Variants in ZFAND6 observed in about 807,000 individuals in gnomAD.
The protein encoded by ZFAND6 is AN1-type zinc finger protein 6.
Under a neutral mutation model 24.5 loss-of-function variants are expected in ZFAND6, and 12 were observed. The ratio of observed to expected loss-of-function variants is 0.49; its 90% CI spans 0.31 to 0.79. ZFAND6 has a LOEUF of 0.79. Among genes scored for constraint, ZFAND6 ranks in the 30% least tolerant of loss-of-function variants. The probability of loss-of-function intolerance (pLI) is 0.04; values close to 1 mark genes in which losing one functional copy is unlikely to be tolerated. For synonymous variants in ZFAND6, 92 were observed against 81.5 expected (o/e 1.13, Z -0.69); for missense variants, 207 against 245.9 (o/e 0.84, Z 1.06).
intron 6 of ZFAND6, among the ~76,000 whole-genome samples, chr15:80,133,791 CA>C (rs1162027158): frequency 6.6e-6 from 1 of 152,116 alleles, no homozygotes; most frequent in African/African-American, 2.4e-5. Context: ...GGTTTATGAT[CA>C]GAACTGCCAT....
intron 1 of ZFAND6, among the ~76,000 whole-genome samples, chr15:80,095,542 CTT>C (rs1022938835): frequency 2.6e-5 from 4 of 152,082 alleles, no homozygotes; most frequent in African/African-American, 9.7e-5. Context: ...TCTTTGGTAA[CTT>C]TGTCTAAATC....
At chr15:80,112,065 GC>G (rs2039636562) in intron 2 of ZFAND6, among the ~76,000 whole-genome samples, 1 of 152,158 alleles carries the variant, frequency 6.6e-6, no homozygotes, top group Admixed American at 6.5e-5. Flanking sequence ...TTCGAGACCA[GC>G]CTGGCCAACA....
At chr15:80,094,061 T>A (rs575307152) in intron 1 of ZFAND6, among the ~76,000 whole-genome samples, 2 of 152,270 alleles carry the variant, frequency 1.3e-5, no homozygotes, top group South Asian at 4.2e-4. Context: ...TTGGATGGAG[T>A]TTGTGTGTGG....
intron 1 of ZFAND6, among the ~76,000 whole-genome samples, chr15:80,087,689 C>G (rs936506666): frequency 6.6e-6 from 1 of 152,156 alleles, no homozygotes. Context: ...TGTTTTGACA[C>G]TACTATGAAT....
At chr15:80,105,105 A>T (rs1370185958) in intron 2 of ZFAND6, among the ~76,000 whole-genome samples, 2 of 152,206 alleles carry the variant, frequency 1.3e-5, no homozygotes, top group Non-Finnish European at 2.9e-5. Context: ...ACTATCCTGT[A>T]GTCTAGGCAC....
At chr15:80,122,458 G>A (rs1409151407) in intron 4 of ZFAND6, among the ~76,000 whole-genome samples, 4 of 152,090 alleles carry the variant, frequency 2.6e-5, no homozygotes, top group African/African-American at 9.7e-5. Context: ...GTGAATTCAT[G>A]TGGTACTTGA....
At chr15:80,131,320 A>G in intron 6 of ZFAND6, 27 bp downstream of exon 6, 1 of 1,586,180 alleles carries the variant, frequency 6.3e-7, no homozygotes, top group Non-Finnish European at 8.7e-7. Flanking sequence ...AATGTTTAAA[A>G]TTAAAATGAT....
At chr15:80,097,856 A>G (rs1387590237) in intron 1 of ZFAND6, among the ~76,000 whole-genome samples, 7 of 151,656 alleles carry the variant, frequency 4.6e-5, no homozygotes, top group Non-Finnish European at 1.0e-4. Context: ...TTTTTATGGG[A>G]ACAAGGTTTT....
At chr15:80,087,477 C>T (rs534407220) in intron 1 of ZFAND6, among the ~76,000 whole-genome samples, 4 of 152,322 alleles carry the variant, frequency 2.6e-5, no homozygotes, top group South Asian at 4.1e-4. Flanking sequence ...TTCCAATGCT[C>T]ATTCTCCTTT....
At chr15:80,060,292 C>T (rs2036258890) in intron 1 of ZFAND6, 1 of 152,116 alleles carries the variant, frequency 6.6e-6, no homozygotes, top group South Asian at 2.1e-4. Flanking sequence ...TTTCAGAAAC[C>T]AGCCGGAGGC....
At chr15:80,120,557 G>C in intron 3 of ZFAND6, 59 bp downstream of exon 3, 1 of 1,359,808 alleles carries the variant, frequency 7.4e-7, no homozygotes, top group South Asian at 2.0e-5. Flanking sequence ...TGGATATTTC[G>C]GTATACCCAA....
chr15:80,129,316 T>A (rs2040497926), intron 5 of ZFAND6, among the ~76,000 whole-genome samples: 1 of 152,230 alleles, frequency 6.6e-6, no homozygotes, highest in African/African-American at 2.4e-5. Flanking sequence ...CATGTCTGAG[T>A]GGAGTAACAT....
At chr15:80,087,714 TA>T (rs753317028) in intron 1 of ZFAND6, among the ~76,000 whole-genome samples, 3 of 152,196 alleles carry the variant, frequency 2.0e-5, no homozygotes, top group Admixed American at 6.5e-5. Flanking sequence ...TTGTAACTTT[TA>T]ATTTATATTT....
chr15:80,092,715 G>A (rs1241271447), intron 1 of ZFAND6, among the ~76,000 whole-genome samples: 1 of 151,958 alleles, frequency 6.6e-6, no homozygotes. Flanking sequence ...TTTTACCTTG[G>A]CAACATTGAC....
intron 1 of ZFAND6, among the ~76,000 whole-genome samples, chr15:80,092,429 C>G (rs1596244805): frequency 6.6e-6 from 1 of 152,142 alleles, no homozygotes; most frequent in African/African-American, 2.4e-5. Flanking sequence ...GAGTGAGACT[C>G]TGTCTCAAAA....
At chr15:80,114,435 A>G (rs368347601) in intron 2 of ZFAND6, among the ~76,000 whole-genome samples, 1 of 152,316 alleles carries the variant, frequency 6.6e-6, no homozygotes, top group South Asian at 2.1e-4. Flanking sequence ...TTATTATACA[A>G]ACTAAAACCG....
chr15:80,080,639 A>G (rs2141854399), intron 1 of ZFAND6, among the ~76,000 whole-genome samples: 1 of 152,322 alleles, frequency 6.6e-6, no homozygotes, highest in East Asian at 1.9e-4. Flanking sequence ...TCATTCTTGC[A>G]TTACTATACA....
chr15:80,075,526 C>T lies in ZFAND6; in HGVS notation c.-181+15717C>T, dbSNP rs150779296. On this transcript the variant is annotated intron_variant, in intron 1 of 6. Transcript: ENST00000261749. ...AAGGAGAAGAAAACTTTTAAATTGA[C>T]CTAGGTATTTGGGTCAAGATATGAA... Among the ~76,000 whole-genome samples, 92 of 152,014 alleles carry T rather than the reference C, an allele frequency of 6.1e-4. 1 individual carries two copies. In the Middle Eastern group the frequency reaches 0.014, roughly 22 times the overall value.
intron 2 of ZFAND6, among the ~76,000 whole-genome samples, chr15:80,113,297 A>G (rs1398290977): frequency 6.6e-6 from 1 of 152,142 alleles, no homozygotes; most frequent in African/African-American, 2.4e-5. Flanking sequence ...AGATCTTCCT[A>G]TTTTTCAACA....
Sources: allele counts gnomAD v4.1 joint callset (sites outside exome capture counted in the v4.1 genomes callset), GRCh38; gene constraint gnomAD v4.1.1; transcripts MANE v1.5; gene names NCBI Gene and HGNC (gene_info 2026-07-23, HGNC 2026-07-21).